The following THRA variants were observed in gnomAD, a reference collection of about 807,000 sequenced individuals.
THRA encodes the protein EAR-7.
Under a neutral mutation model 45.0 loss-of-function variants are expected in THRA, and 13 were observed. The ratio of observed to expected loss-of-function variants is 0.29; its 90% CI spans 0.19 to 0.46. THRA has a LOEUF of 0.46. Ranked by LOEUF, THRA falls within the 20% of genes least tolerant of loss-of-function variation. The pLI is 1.00. For missense variants in THRA, 278 were observed against 556.1 expected (o/e 0.50, Z 5.03); for synonymous variants, 195 against 214.0 (o/e 0.91, Z 0.78).
chr17:40,076,795 T>C (rs1384097121), intron 2 of THRA, 76 bp from the exon 3 acceptor site: 4 of 1,484,572 alleles, frequency 2.7e-6, no homozygotes, highest in African/African-American at 1.4e-5. Context: ...CCTTGGGGGA[T>C]TGCATAAGCC....
rs1987399221 is a variant in THRA, at chr17:40,088,161, C to T, written c.724-81C>T. On this transcript the variant is annotated intron_variant, in intron 7 of 8. Transcript: ENST00000450525. ...CATGGGGGCCTTGCGGGCCTCACGG[C>T]TCCCGTAGGACACTCTAGGGGAGAC... The T allele has an allele frequency of 2.7e-6, 4 of 1,505,628 alleles. No homozygotes were observed. The South Asian group carries it at 5.4e-5, about 20-fold the overall frequency. 93.3% of individuals were successfully genotyped at this position (1,505,628 alleles called of 1,614,324 possible).
intron 1 of THRA, among the ~76,000 whole-genome samples, chr17:40,070,831 T>G (rs1385895696): frequency 6.9e-6 from 1 of 144,040 alleles, no homozygotes; most frequent in African/African-American, 2.6e-5. Flanking sequence ...CCCCCCAGCC[T>G]GCATGGGGTG....
At chr17:40,077,936 G>T (rs1446982717) in intron 4 of THRA, among the ~76,000 whole-genome samples, 6 of 152,082 alleles carry the variant, frequency 3.9e-5, no homozygotes, top group Admixed American at 2.0e-4. Context: ...GACCTCAGGT[G>T]ACCACCCGTC....
At chr17:40,093,352 G>A, downstream of THRA, 1 of 1,612,416 alleles carries the variant, frequency 6.2e-7, no homozygotes, top group South Asian at 1.1e-5. The surrounding 1 kb of genome is among the most constrained non-coding windows in gnomAD (Gnocchi z 5.9). Context: ...AGGTCTGCGA[G>A]GACCTGGCAG....
At chr17:40,063,921 G>T (rs1017052425) in intron 1 of THRA, among the ~76,000 whole-genome samples, 4 of 151,746 alleles carry the variant, frequency 2.6e-5, no homozygotes, top group Admixed American at 1.3e-4. Flanking sequence ...AGGGGTGGGG[G>T]TGGGGGACAC....
chr17:40,077,493 T>G lies in THRA; in HGVS notation c.122-15T>G, dbSNP rs780026817. 1.9e-6 allele frequency: 3 copies of G among 1,611,680 alleles called. No individual in the cohort carries two copies. The highest frequency in any genetic ancestry group is 2.2e-5 in the South Asian group (2 of 91,018). ...AAGCCATGCCTGCCTTCCTCCATCCTTTCCTTCCTCCCAGGGTATATCCCT... is the reference window on the plus strand; with the variant it reads ...AAGCCATGCCTGCCTTCCTCCATCCGTTCCTTCCTCCCAGGGTATATCCCT... On this transcript the variant is annotated splice_polypyrimidine_tract_variant and intron_variant, in intron 3 of 8. Coordinates refer to ENST00000450525, the MANE Select transcript of THRA (RefSeq NM_199334.5).
At chr17:40,087,018 A>G in intron 7 of THRA, 165 bp downstream of exon 7, 1 of 881,676 alleles carries the variant, frequency 1.1e-6, no homozygotes, top group Non-Finnish European at 1.7e-6. Context: ...ATGCATACAC[A>G]TACACCCAGC....
chr17:40,087,146 G>A, intron 7 of THRA: 1 of 349,192 alleles, frequency 2.9e-6, no homozygotes, highest in Non-Finnish European at 5.2e-6. Flanking sequence ...CACACACCTA[G>A]TACACAAACA....
At chr17:40,087,961 A>C (rs913894679) in intron 7 of THRA, among the ~76,000 whole-genome samples, 4 of 152,084 alleles carry the variant, frequency 2.6e-5, no homozygotes, top group Non-Finnish European at 5.9e-5. Context: ...TTCACCATGT[A>C]TGTTGGCCAG....
chr17:40,092,467 G>C lies in THRA; in HGVS notation c.*3011G>C, dbSNP rs1164258807. Reference sequence around the variant, plus strand: ...GGGACCGGCAGGGGTGACTTGAGGGGCTCCTACTCCTGCCCCACGTTGACA... The same window carrying C: ...GGGACCGGCAGGGGTGACTTGAGGGCCTCCTACTCCTGCCCCACGTTGACA... On this transcript the variant is annotated 3_prime_UTR_variant, in exon 9 of 9. Transcript: ENST00000450525. The C allele has an allele frequency of 6.5e-6, 1 of 152,862 alleles. No individual in the cohort carries two copies. The highest frequency in any genetic ancestry group is 1.5e-5 in the Non-Finnish European group (1 of 68,656). The allele number at this position is 152,862 out of a possible 1,614,324, so 9.5% of individuals were successfully genotyped here.
At chr17:40,071,036 C>T (rs557127231) in intron 1 of THRA, among the ~76,000 whole-genome samples, 1 of 152,032 alleles carries the variant, frequency 6.6e-6, no homozygotes, top group East Asian at 1.9e-4. Flanking sequence ...CTACCCCAGC[C>T]CTGTCCCATT....
In THRA at chr17:40,092,954, A is replaced by G; in HGVS notation, c.*3498A>G. On this transcript the variant is annotated 3_prime_UTR_variant, in exon 9 of 9. Coordinates refer to ENST00000450525, the MANE Select transcript of THRA (RefSeq NM_199334.5). ...AGAAGGCTCAGGGGGCCAGAGGCTCATCTTGGAATATTTTATAACAATATA... is the reference window on the plus strand; with the variant it reads ...AGAAGGCTCAGGGGGCCAGAGGCTCGTCTTGGAATATTTTATAACAATATA... 1 of 1,556,934 alleles carries G rather than the reference A, an allele frequency of 6.4e-7. No individual in the cohort carries two copies. The highest frequency in any genetic ancestry group is 2.3e-5 in the East Asian group (1 of 43,992).
intron 5 of THRA, chr17:40,084,330 G>C (rs1235546244): frequency 1.9e-6 from 1 of 513,342 alleles, no homozygotes; most frequent in Non-Finnish European, 3.5e-6. Context: ...CATTGGCTGG[G>C]GATTGGGTGG....
chr17:40,084,961 A>G (rs1987272668), intron 6 of THRA, 146 bp downstream of exon 6: 4 of 900,418 alleles, frequency 4.4e-6, no homozygotes, highest in African/African-American at 1.7e-5. Context: ...TCCAGATTTT[A>G]TACACTTGTG....
intron 1 of THRA, among the ~76,000 whole-genome samples, chr17:40,070,659 G>A (rs890017972): frequency 1.3e-5 from 2 of 152,136 alleles, no homozygotes; most frequent in Non-Finnish European, 2.9e-5. Flanking sequence ...GAGGCTGGGT[G>A]ATCAGGAGTG....
chr17:40,064,030 G>A (rs948817271), intron 1 of THRA, among the ~76,000 whole-genome samples: 1 of 148,852 alleles, frequency 6.7e-6, no homozygotes, highest in African/African-American at 2.5e-5. Flanking sequence ...AATGAGGGGG[G>A]AAGCAAAAGT....
chr17:40,080,595 C>G (rs1384505100), intron 4 of THRA, among the ~76,000 whole-genome samples: 1 of 152,020 alleles, frequency 6.6e-6, no homozygotes, highest in Non-Finnish European at 1.5e-5. Flanking sequence ...TCACGGACAT[C>G]TGAGTCCCAG....
chr17:40,074,894 C>T (rs947181307), intron 2 of THRA, among the ~76,000 whole-genome samples: 1 of 152,248 alleles, frequency 6.6e-6, no homozygotes, highest in Non-Finnish European at 1.5e-5. Context: ...TTTTCTTCCT[C>T]TCCCTACCAG....
downstream of THRA, chr17:40,093,321 GCTC>G (rs1987660342): frequency 6.2e-7 from 1 of 1,613,212 alleles, no homozygotes; most frequent in Non-Finnish European, 8.5e-7. The surrounding 1 kb of genome is among the most constrained non-coding windows in gnomAD (Gnocchi z 5.9). Context: ...GACTCCCCGA[GCTC>G]CTCTGAGGAG....
Sources: gnomAD v4.1 joint callset for allele counts (sites outside exome capture counted in the v4.1 genomes callset) on GRCh38, gnomAD v4.1.1 for gene constraint, Gnocchi (gnomAD v3.1) non-coding constraint, MANE v1.5 for transcripts, NCBI Gene and HGNC (gene_info 2026-07-23, HGNC 2026-07-21) for gene names.